The following P3H1 variants were observed in gnomAD, a reference collection of about 807,000 sequenced individuals.
The protein encoded by P3H1 is prolyl 3-hydroxylase 1.
In P3H1, 69 loss-of-function variants were observed where a neutral mutation model predicts 84.0. The observed-to-expected ratio is 0.82, with a 90% confidence interval of 0.68 to 1.00. P3H1 has a LOEUF of 1.00. P3H1 is among the 50% of genes least tolerant of loss of function. The pLI, the probability that P3H1 is intolerant of heterozygous loss-of-function variation, is 0.00. For synonymous variants in P3H1, 366 were observed against 388.8 expected, an observed-to-expected ratio of 0.94 and a Z score of 0.69; for missense variants, 878 against 962.8, an observed-to-expected ratio of 0.91 and a Z score of 1.17.
intron 5 of P3H1, 68 bp downstream of exon 5, chr1:42,757,715 T>C (rs1652477171): frequency 1.2e-6 from 2 of 1,613,236 alleles, no homozygotes; most frequent in Non-Finnish European, 8.5e-7. Flanking sequence ...TCCCCTCTGC[T>C]ACCCCACTCT....
intron 14 of P3H1, 47 bp downstream of exon 14, chr1:42,747,225 G>C (rs766380362): frequency 1.9e-6 from 3 of 1,613,992 alleles, no homozygotes; most frequent in South Asian, 1.1e-5. Flanking sequence ...CTCTGGGAAC[G>C]GGTCACCACA....
At position 42,759,229 on chromosome 1, in the gene P3H1, G is replaced by A. The variant is rs781628488; in HGVS notation, c.780C>T (p.Tyr260=). ...YDYDGYNYLE[Y]NADLFQAITD... The stretch of plus-strand genomic sequence containing the variant: ...TGATGGCCTGGAAGAGGTCAGCGTT[G>A]TACTCAAGGTAGTTGTAGCCATCGT... Residue 260 remains tyrosine (Y), a synonymous_variant, in exon 3 of 15, where the codon TAC becomes TAT. Coordinates refer to ENST00000296388, the MANE Select transcript of P3H1 (RefSeq NM_022356.4). 1.2e-6 allele frequency: 2 copies of A among 1,614,206 alleles called. No homozygotes were observed. The highest frequency in any genetic ancestry group is 2.2e-5 in the South Asian group (2 of 91,086).
At chr1:42,763,501 G>A (rs1182456535) in intron 1 of P3H1, among the ~76,000 whole-genome samples, 4 of 150,992 alleles carry the variant, frequency 2.6e-5, no homozygotes, top group African/African-American at 7.3e-5. Context: ...GTGAAACCCC[G>A]TCTCTACTAA....
In P3H1 at chr1:42,752,620, T is replaced by TGGAGTTC. The variant is rs137853953; in HGVS notation, c.1383_1389dup (p.Lys464GlufsTer19). ...ACCCGCTGGGAACCATTCAGGAGTT[T>TGGAGTTC]GGAGTTCATGGTGAGACTGATGCCT... On this transcript the variant is annotated frameshift_variant, in exon 9 of 15. Coordinates refer to ENST00000296388, the MANE Select transcript of P3H1 (RefSeq NM_022356.4). LOFTEE classifies it high-confidence loss of function. The TGGAGTTC allele has an allele frequency of 5.0e-6, 8 of 1,614,228 alleles. No individual in the cohort carries two copies. In the South Asian group the frequency reaches 7.7e-5, roughly 16 times the overall value.
In P3H1 at chr1:42,766,995, C is replaced by G; in HGVS notation, c.-24G>C. ...ATCGCTCCCTCAGACCTAACGGAAC[C>G]GCCAGCCACCCGCCACCAAGGCCGG... is the stretch of plus-strand genomic sequence containing the variant. On this transcript the variant is annotated 5_prime_UTR_variant, in exon 1 of 15. Coordinates refer to ENST00000296388, the MANE Select transcript of P3H1 (RefSeq NM_022356.4). 1.2e-6 allele frequency: 2 copies of G among 1,601,572 alleles called. No homozygotes were observed. The highest frequency in any genetic ancestry group is 2.2e-5 in the South Asian group (2 of 90,592).
Position 42,747,347 on chromosome 1 carries a change from T to C in P3H1, c.1980A>G (p.Gly660=). ...GCTGCCCCCTGGTGACAGCCTTCAC[T>C]CCATGTGGGTTTTCAGTGCCTGAAG... ...GFSSGTENPH[G]VKAVTRGQRC... Residue 660 remains glycine, a synonymous_variant, in exon 14 of 15, where the codon GGA becomes GGG. Coordinates refer to ENST00000296388, the MANE Select transcript of P3H1 (RefSeq NM_022356.4). 4.3e-6 allele frequency: 7 copies of C among 1,609,896 alleles called. No individual in the cohort carries two copies. Among genetic ancestry groups the C allele is most frequent in the Non-Finnish European group, 5.9e-6 (7 of 1,177,338 alleles).
intron 11 of P3H1, 21 bp downstream of exon 11, chr1:42,750,165 T>C (rs377452744): frequency 9.9e-5 from 160 of 1,609,828 alleles, no homozygotes; most frequent in Non-Finnish European, 1.3e-4. Context: ...GGGCGGGTGC[T>C]GCAGGGGTAA....
intron 8 of P3H1, among the ~76,000 whole-genome samples, chr1:42,753,680 T>C (rs992526072): frequency 6.6e-6 from 1 of 152,144 alleles, no homozygotes. Context: ...CTCAGCACTT[T>C]GGGAGGCCAG....
Position 42,755,146 on chromosome 1 carries a change from G to A in P3H1, c.1223+19C>T, listed in dbSNP as rs374036781. 4 of 1,613,808 alleles carry A rather than the reference G, an allele frequency of 2.5e-6. No homozygotes were observed. Among genetic ancestry groups the A allele is most frequent in the Non-Finnish European group, 3.4e-6 (4 of 1,179,788 alleles). On this transcript the variant is annotated intron_variant, in intron 7 of 14. Coordinates refer to ENST00000296388, the MANE Select transcript of P3H1 (RefSeq NM_022356.4). ...TTCATCAGACTGATCCAACCATGCA[G>A]TTTCTTCAAGGTCCTCACTTCTGTT...
intron 2 of P3H1, chr1:42,760,906 G>A (rs924721509): frequency 2.0e-5 from 3 of 151,648 alleles, no homozygotes; most frequent in Non-Finnish European, 1.5e-5. Flanking sequence ...GCCCGCCTTG[G>A]CCTTCCAAAG....
rs1346045940 is a variant in P3H1, at chr1:42,746,374, T to TA, written c.*322dup. 37 of 304,052 alleles carry TA rather than the reference T, an allele frequency of 1.2e-4. No homozygotes were observed. Among genetic ancestry groups the TA allele is most frequent in the South Asian group, 4.2e-4 (7 of 16,652 alleles). 18.8% of individuals were successfully genotyped at this position (304,052 alleles called of 1,614,324 possible). ...ATTTCCATTGTCTGAACAAACCAAG[T>TA]AAAAAAAACCATGAATCATTTATTC... On this transcript the variant is annotated 3_prime_UTR_variant, in exon 15 of 15. Transcript: ENST00000296388.
chr1:42,766,360 T>TCCCCGGCTCCGAGGAGAGCTCC, intron 1 of P3H1, 147 bp downstream of exon 1: 1 of 709,858 alleles, frequency 1.4e-6, no homozygotes, highest in Non-Finnish European at 2.4e-6. Flanking sequence ...GGAGCAGCTC[T>TCCCCGGCTCCGAGGAGAGCTCC]CCCCGGCTCC....
chr1:42,752,221 C>A, intron 10 of P3H1, 53 bp downstream of exon 10: 1 of 1,451,062 alleles, frequency 6.9e-7, no homozygotes. Flanking sequence ...GCCTGAGCTT[C>A]CCCCTTCCCC....
intron 8 of P3H1, among the ~76,000 whole-genome samples, chr1:42,753,339 A>G (rs917075089): frequency 2.6e-5 from 4 of 152,222 alleles, no homozygotes; most frequent in Admixed American, 6.5e-5. Flanking sequence ...TGTTTAATTA[A>G]CCACTGTTAA....
At chr1:42,762,538 C>A in intron 1 of P3H1, 63 bp from the exon 2 acceptor site, 1 of 1,567,614 alleles carries the variant, frequency 6.4e-7, no homozygotes, top group South Asian at 1.1e-5. Context: ...TTTGTGTCCA[C>A]ATGAGCAGTC....
chr1:42,746,778 G>A lies in P3H1; in HGVS notation c.2130C>T (p.Pro710=), dbSNP rs542879177. 8 of 1,566,924 alleles carry A rather than the reference G, an allele frequency of 5.1e-6. No individual in the cohort carries two copies. The highest frequency in any genetic ancestry group is 3.3e-4 in the Middle Eastern group (2 of 6,008). The change falls in exon 15 of 15, where the codon CCC becomes CCT. Residue 710 remains proline (P), a synonymous_variant. Coordinates refer to ENST00000296388, the MANE Select transcript of P3H1 (RefSeq NM_022356.4). ...CGGGGGGGCCCTGCTGGGCATCCAG[G>A]GGCTGCTCCTGGGAGAGGTCCATCT... ...PEEMDLSQEQ[P]LDAQQGPPEP... is the part of the protein sequence containing the mutation.
intron 1 of P3H1, among the ~76,000 whole-genome samples, chr1:42,762,920 T>C (rs958318537): frequency 6.6e-6 from 1 of 151,900 alleles, no homozygotes; most frequent in African/African-American, 2.4e-5. Context: ...GGTGAAACCC[T>C]GTCTTTACGA....
At chr1:42,751,964 C>G (rs1652124595) in intron 10 of P3H1, 3 of 418,084 alleles carry the variant, frequency 7.2e-6, no homozygotes, top group Non-Finnish European at 1.4e-5. Context: ...TCTTATCTCT[C>G]TTTATGAGCA....
At chr1:42,748,469 G>A in intron 11 of P3H1, 152 bp from the exon 12 acceptor site, 1 of 717,784 alleles carries the variant, frequency 1.4e-6, no homozygotes, top group Non-Finnish European at 2.5e-6. Context: ...ACAAGCCTAG[G>A]GGTCAGGACA....
Sources: gnomAD v4.1 joint callset for allele counts (sites outside exome capture counted in the v4.1 genomes callset) on GRCh38, gnomAD v4.1.1 for gene constraint, MANE v1.5 for transcripts, NCBI Gene and HGNC (gene_info 2026-07-23, HGNC 2026-07-21) for gene names.